CCSER2: variants seen among roughly 807,000 people sequenced by gnomAD.
CCSER2 encodes coiled-coil serine rich protein 2.
In CCSER2, 46 loss-of-function variants were observed where a neutral mutation model predicts 92.3. That is an observed-to-expected ratio of 0.50 (90% CI 0.39 to 0.64). The LOEUF (loss-of-function observed/expected upper bound fraction) is 0.64. CCSER2 is among the 30% of genes least tolerant of loss of function. The pLI is 0.00. For synonymous variants in CCSER2, 433 were observed against 431.4 expected, an observed-to-expected ratio of 1.00 and a Z score of -0.04; for missense variants, 1,244 against 1,238.9, an observed-to-expected ratio of 1.00 and a Z score of -0.06.
At chr10:84,384,822 ATC>A (rs1157579825) in intron 3 of CCSER2, among the ~76,000 whole-genome samples, 2 of 152,196 alleles carry the variant, frequency 1.3e-5, no homozygotes, top group African/African-American at 2.4e-5. Context: ...AAGTAAAATT[ATC>A]TGTTTGTTGT....
chr10:84,427,473 A>G (rs1364241520), intron 5 of CCSER2, among the ~76,000 whole-genome samples: 8 of 152,210 alleles, frequency 5.3e-5, no homozygotes, highest in African/African-American at 1.7e-4. Flanking sequence ...GGCCTTTTCA[A>G]TATTGCATGT....
intron 4 of CCSER2, among the ~76,000 whole-genome samples, chr10:84,423,982 TA>T (rs3044102): frequency 0.087 from 9,413 of 108,146 alleles, 445 homozygotes; most frequent in Admixed American, 0.18. Context: ...CCCCATCTCT[TA>T]AAAAAAAAAA....
In CCSER2 at chr10:84,470,474, T is replaced by C. The variant is rs767576759; in HGVS notation, c.2235+16T>C. 7.1e-7 allele frequency: 1 copy of C among 1,400,596 alleles called. No homozygotes were observed. Among genetic ancestry groups the C allele is most frequent in the Non-Finnish European group, 9.4e-7 (1 of 1,060,454 alleles). 86.8% of individuals were successfully genotyped at this position (1,400,596 alleles called of 1,614,324 possible). On this transcript the variant is annotated intron_variant, in intron 8 of 9. Transcript: ENST00000372088. ...ACTTCAGCTTGTAAGTATTGTAGTA[T>C]AATGTATAGAGACTTTTCAAACTGG...
chr10:84,425,613 CTGA>C (rs1564649518), intron 4 of CCSER2, 115 bp from the exon 5 acceptor site: 1 of 617,286 alleles, frequency 1.6e-6, no homozygotes, highest in African/African-American at 1.9e-5. Flanking sequence ...ACATAAATGG[CTGA>C]TATTTTTAAA....
chr10:84,421,121 C>G (rs984506392), intron 4 of CCSER2, among the ~76,000 whole-genome samples: 10 of 151,988 alleles, frequency 6.6e-5, no homozygotes, highest in Non-Finnish European at 1.5e-4. Flanking sequence ...ATGGAAGAAG[C>G]CATGAGGAGA....
At chr10:84,451,697 A>C (rs1401688309) in intron 6 of CCSER2, among the ~76,000 whole-genome samples, 1 of 152,198 alleles carries the variant, frequency 6.6e-6, no homozygotes, top group Non-Finnish European at 1.5e-5. Context: ...TAAAAAATTT[A>C]AACAGAAAAA....
chr10:84,389,498 T>A, intron 3 of CCSER2: 1 of 300,740 alleles, frequency 3.3e-6, no homozygotes, highest in South Asian at 2.9e-5. Context: ...AATTCTCAGA[T>A]CCTTCGAGGT....
chr10:84,480,101 A>G (rs61866506), intron 9 of CCSER2, among the ~76,000 whole-genome samples: 22,916 of 152,150 alleles, frequency 0.15, 1,848 homozygotes, highest in Admixed American at 0.24. Context: ...CTAGAGTGCA[A>G]TGGTGCAATT....
At chr10:84,395,747 C>A (rs1156937897) in intron 3 of CCSER2, among the ~76,000 whole-genome samples, 1 of 152,126 alleles carries the variant, frequency 6.6e-6, no homozygotes, top group African/African-American at 2.4e-5. Flanking sequence ...TTAGACCAAC[C>A]ATTGGGAAAC....
chr10:84,446,748 T>A (rs1844942359), intron 6 of CCSER2, among the ~76,000 whole-genome samples: 1 of 152,182 alleles, frequency 6.6e-6, no homozygotes, highest in South Asian at 2.1e-4. Context: ...GCAGTACCTT[T>A]CCTTTCCAGA....
chr10:84,451,731 A>G (rs1045065637), intron 6 of CCSER2, among the ~76,000 whole-genome samples: 1 of 152,222 alleles, frequency 6.6e-6, no homozygotes, highest in African/African-American at 2.4e-5. Context: ...ATTTGCTTAG[A>G]ATATTATAAA....
At chr10:84,413,189 C>T (rs993490752) in intron 3 of CCSER2, among the ~76,000 whole-genome samples, 2 of 149,798 alleles carry the variant, frequency 1.3e-5, no homozygotes, top group African/African-American at 4.9e-5. Context: ...GTCTTCTGCT[C>T]ACTTTGGGGT....
At chr10:84,374,408 C>A (rs1403651021) in intron 3 of CCSER2, among the ~76,000 whole-genome samples, 1 of 152,154 alleles carries the variant, frequency 6.6e-6, no homozygotes, top group African/African-American at 2.4e-5. Flanking sequence ...CTTTAGTGAT[C>A]TAAACTACTT....
At chr10:84,438,952 T>C (rs1195204310) in intron 6 of CCSER2, among the ~76,000 whole-genome samples, 4 of 152,188 alleles carry the variant, frequency 2.6e-5, no homozygotes, top group Non-Finnish European at 4.4e-5. Flanking sequence ...CAATCTCTGC[T>C]TCTGTTTCTT....
intron 6 of CCSER2, 36 bp from the exon 7 acceptor site, chr10:84,463,897 A>G (rs1846243057): frequency 1.5e-6 from 2 of 1,374,486 alleles, no homozygotes; most frequent in African/African-American, 2.9e-5. Context: ...CAATTACTAT[A>G]TTAATCTAGT....
chr10:84,439,751 A>G (rs1572430), intron 6 of CCSER2, among the ~76,000 whole-genome samples: 13,137 of 152,252 alleles, frequency 0.086, 749 homozygotes, highest in Non-Finnish European at 0.12. Flanking sequence ...CTTTTTGGAT[A>G]TGAGATTGTT....
intron 1 of CCSER2, among the ~76,000 whole-genome samples, chr10:84,335,846 A>C (rs1843808473): frequency 6.6e-6 from 1 of 152,138 alleles, no homozygotes; most frequent in South Asian, 2.1e-4. Context: ...TTCTCTGAAG[A>C]TCTTAGCTTA....
intron 3 of CCSER2, among the ~76,000 whole-genome samples, chr10:84,379,993 T>C (rs974152159): frequency 6.6e-6 from 1 of 152,184 alleles, no homozygotes; most frequent in Admixed American, 6.5e-5. Flanking sequence ...TCAGTTTCTT[T>C]AGGATATAAA....
At position 84,425,876 on chromosome 10, in the gene CCSER2, A is replaced by G; in HGVS notation, c.1851A>G (p.Gly617=). Residue 617 remains glycine, a synonymous_variant, in exon 5 of 10, where the codon GGA becomes GGG. Transcript: ENST00000372088. ...LSHPDHYHHH[G]KSDLSRGSPY... ...ACCCTGACCACTATCATCACCATGG[A>G]AAAAGTGACTTGAGCAGGTAAGTAC... is the stretch of plus-strand genomic sequence containing the variant. 8 of 1,599,444 alleles carry G rather than the reference A, an allele frequency of 5.0e-6. No individual in the cohort carries two copies. The highest frequency in any genetic ancestry group is 6.8e-6 in the Non-Finnish European group (8 of 1,171,630).
Sources: allele counts gnomAD v4.1 joint callset (sites outside exome capture counted in the v4.1 genomes callset), GRCh38; gene constraint gnomAD v4.1.1; transcripts MANE v1.5; gene names NCBI Gene and HGNC (gene_info 2026-07-23, HGNC 2026-07-21).